CSGALNACT1: variants seen among roughly 807,000 people sequenced by gnomAD.
The protein encoded by CSGALNACT1 is chondroitin sulfate N-acetylgalactosaminyltransferase 1.
CSGALNACT1 carries 52 observed loss-of-function variants against 51.0 expected under a neutral mutation model. That is an observed-to-expected ratio of 1.02 (90% CI 0.82 to 1.29). The LOEUF is 1.29. CSGALNACT1 is among the 50% of genes most tolerant of loss of function. The probability of loss-of-function intolerance (pLI) is 0.00; values close to 1 mark genes in which losing one functional copy is unlikely to be tolerated. For synonymous variants in CSGALNACT1, 341 were observed against 254.4 expected, an observed-to-expected ratio of 1.34 and a Z score of -3.24; for missense variants, 935 against 679.2, an observed-to-expected ratio of 1.38 and a Z score of -4.19.
chr8:19,755,348 A>C (rs1230206861), intron 1 of CSGALNACT1, among the ~76,000 whole-genome samples: 2 of 151,866 alleles, frequency 1.3e-5, no homozygotes, highest in Non-Finnish European at 2.9e-5. Flanking sequence ...ATAAATAATC[A>C]ATAGATAAAT....
chr8:19,432,721 A>G (rs2059822365), intron 6 of CSGALNACT1, among the ~76,000 whole-genome samples: 1 of 151,972 alleles, frequency 6.6e-6, no homozygotes, highest in Non-Finnish European at 1.5e-5. Flanking sequence ...CCTCTGCCTT[A>G]TTAATTTTTC....
At position 19,418,210 on chromosome 8, in the gene CSGALNACT1, C is replaced by T. The variant is rs78411352; in HGVS notation, c.1227+446G>A. 7.9e-3 allele frequency among the ~76,000 whole-genome samples: 1,202 copies of T among 152,270 alleles called. 11 individuals are homozygous for T. The highest frequency in any genetic ancestry group is 0.012 in the Non-Finnish European group (830 of 68,014). ...GGGAGCACACTGGGAGTTTCCACTT[C>T]AAATTCACAAAGACCTTATTTGCCT... On this transcript the variant is annotated intron_variant, in intron 8 of 9. Coordinates refer to ENST00000454498, the Ensembl canonical transcript of CSGALNACT1.
In CSGALNACT1 at chr8:19,752,176, CAT is replaced by C. The variant is rs566588081; in HGVS notation, c.-297+5672_-297+5673del. ...GACATATCATATATGAGTATATATTCATATCTTATATAATATATACTATATAT... is the reference window on the plus strand; with the variant it reads ...GACATATCATATATGAGTATATATTCATCTTATATAATATATACTATATAT... On this transcript the variant is annotated intron_variant, in intron 1 of 1. Coordinates refer to the CSGALNACT1 transcript ENST00000517494. Among the ~76,000 whole-genome samples the C allele has an allele frequency of 2.7e-5, 4 of 147,268 alleles. No homozygotes were observed. In the South Asian group the frequency reaches 8.5e-4, roughly 31 times the overall value.
At chr8:19,495,367 G>T (rs1357548297) in intron 4 of CSGALNACT1, among the ~76,000 whole-genome samples, 1 of 152,228 alleles carries the variant, frequency 6.6e-6, no homozygotes, top group African/African-American at 2.4e-5. Context: ...AATATTGTCT[G>T]TTGTGGTGAA....
chr8:19,497,237 AG>A (rs1378435867), intron 4 of CSGALNACT1, among the ~76,000 whole-genome samples: 2 of 152,222 alleles, frequency 1.3e-5, no homozygotes, highest in Admixed American at 1.3e-4. Context: ...AAGAAACAGC[AG>A]AATATTGCTG....
intron 3 of CSGALNACT1, among the ~76,000 whole-genome samples, chr8:19,568,019 C>A (rs2042240750): frequency 6.6e-6 from 1 of 150,480 alleles, no homozygotes; most frequent in South Asian, 2.1e-4. Flanking sequence ...ATGTTTTAGT[C>A]TCAACAAATG....
At chr8:19,751,378 G>A (rs1426908031) in intron 1 of CSGALNACT1, among the ~76,000 whole-genome samples, 3 of 152,148 alleles carry the variant, frequency 2.0e-5, no homozygotes, top group Non-Finnish European at 4.4e-5. Context: ...ATATTTAAGG[G>A]CTCCATCAGT....
chr8:19,666,942 AAAAAGAAAGAAAGAAAGAAAGAAAG>A (rs2059316431), intron 1 of CSGALNACT1, among the ~76,000 whole-genome samples: 1 of 115,278 alleles, frequency 8.7e-6, no homozygotes, highest in Admixed American at 9.6e-5. Flanking sequence ...AGAGAGAGAG[AAAAAGAAAGAAAGAAAGAAAGAAAG>A]AAAGAAAGAA....
chr8:19,456,556 A>G (rs2064143666), intron 5 of CSGALNACT1, among the ~76,000 whole-genome samples: 1 of 152,262 alleles, frequency 6.6e-6, no homozygotes, highest in Admixed American at 6.5e-5. Flanking sequence ...TGTTTAATCA[A>G]CCAGCGGCAC....
chr8:19,707,641 G>A (rs2062247265), intron 1 of CSGALNACT1, among the ~76,000 whole-genome samples: 1 of 94,970 alleles, frequency 1.1e-5, no homozygotes, highest in Admixed American at 1.2e-4. Flanking sequence ...CGCAATGGAA[G>A]ACTAGATAAA....
intron 2 of CSGALNACT1, among the ~76,000 whole-genome samples, chr8:19,599,309 C>T (rs370741032): frequency 2.7e-4 from 41 of 151,392 alleles, no homozygotes; most frequent in African/African-American, 1.0e-3. Context: ...TATCAGTGAG[C>T]AGTGACAAGA....
intron 3 of CSGALNACT1, among the ~76,000 whole-genome samples, chr8:19,530,843 C>T (rs186586489): frequency 3.3e-5 from 5 of 152,312 alleles, no homozygotes; most frequent in African/African-American, 4.8e-5. Flanking sequence ...AAGAGTCACA[C>T]GAAATGAGCA....
intron 1 of CSGALNACT1, among the ~76,000 whole-genome samples, chr8:19,738,458 G>T (rs117932206): frequency 0.024 from 3,609 of 152,264 alleles, 69 homozygotes; most frequent in Non-Finnish European, 0.035. Context: ...TAGAATGGTG[G>T]TTGTCAGGGG....
chr8:19,517,002 G>C (rs183277344), intron 3 of CSGALNACT1, among the ~76,000 whole-genome samples: 4 of 152,308 alleles, frequency 2.6e-5, no homozygotes, highest in Admixed American at 2.6e-4. Context: ...GAGGTGGTTG[G>C]TTTTTAGTTG....
intron 5 of CSGALNACT1, among the ~76,000 whole-genome samples, chr8:19,449,000 T>C (rs142437547): frequency 0.029 from 4,420 of 152,224 alleles, 84 homozygotes; most frequent in Non-Finnish European, 0.046. Context: ...TCATCTCCCC[T>C]CCCCTGTGTC....
chr8:19,591,945 T>C (rs1235797740), intron 2 of CSGALNACT1, among the ~76,000 whole-genome samples: 1 of 152,178 alleles, frequency 6.6e-6, no homozygotes, highest in African/African-American at 2.4e-5. Flanking sequence ...CAATGAGGAA[T>C]AGATGTGATA....
At chr8:19,739,498 C>T (rs894330570) in intron 1 of CSGALNACT1, among the ~76,000 whole-genome samples, 1 of 152,146 alleles carries the variant, frequency 6.6e-6, no homozygotes, top group Non-Finnish European at 1.5e-5. Flanking sequence ...ACTATATCCC[C>T]TTCCTCTTCA....
At chr8:19,456,244 AT>A (rs997682048) in intron 5 of CSGALNACT1, among the ~76,000 whole-genome samples, 2 of 152,180 alleles carry the variant, frequency 1.3e-5, no homozygotes, top group Non-Finnish European at 2.9e-5. Flanking sequence ...GAATCCTGCT[AT>A]TTCAGGCCCA....
intron 4 of CSGALNACT1, among the ~76,000 whole-genome samples, chr8:19,471,742 G>A (rs1013201448): frequency 9.2e-5 from 14 of 152,198 alleles, no homozygotes; most frequent in Admixed American, 8.5e-4. Flanking sequence ...CTTAGATGCA[G>A]TGAGAGTAAA....
Sources: allele counts gnomAD v4.1 joint callset (sites outside exome capture counted in the v4.1 genomes callset), GRCh38; gene constraint gnomAD v4.1.1; transcripts MANE v1.5; gene names NCBI Gene and HGNC (gene_info 2026-07-23, HGNC 2026-07-21).